Variants in ADAMTSL1 observed in about 807,000 individuals in gnomAD.
The protein encoded by ADAMTSL1 is ADAMTS-like protein 1.
In ADAMTSL1, 126 loss-of-function variants were observed where a neutral mutation model predicts 201.8. That is an observed-to-expected ratio of 0.62 (90% CI 0.54 to 0.72). The LOEUF (loss-of-function observed/expected upper bound fraction) is 0.72. Ranked by LOEUF, ADAMTSL1 falls within the 30% of genes least tolerant of loss-of-function variation. The probability of loss-of-function intolerance (pLI) is 0.00; values close to 1 mark genes in which losing one functional copy is unlikely to be tolerated. For missense variants in ADAMTSL1, 2,679 were observed against 2,277.8 expected, an observed-to-expected ratio of 1.18 and a Z score of -3.59; for synonymous variants, 1,121 against 903.4, an observed-to-expected ratio of 1.24 and a Z score of -4.32.
chr9:18,108,196 A>ATTTTTTTT, intron 1 of ADAMTSL1, among the ~76,000 whole-genome samples: 1 of 125,570 alleles, frequency 8.0e-6, no homozygotes. Flanking sequence ...AGAGTGTGGA[A>ATTTTTTTT]TTTTTTTTTT....
intron 1 of ADAMTSL1, among the ~76,000 whole-genome samples, chr9:18,002,366 T>A: frequency 6.6e-6 from 1 of 152,022 alleles, no homozygotes; most frequent in East Asian, 1.9e-4. Flanking sequence ...GACCTTATAC[T>A]CTGAGCCTCA....
intron 1 of ADAMTSL1, among the ~76,000 whole-genome samples, chr9:17,987,976 T>C (rs1405175006): frequency 6.6e-6 from 1 of 152,100 alleles, no homozygotes; most frequent in Non-Finnish European, 1.5e-5. Flanking sequence ...ACATGGGCTA[T>C]GACAAACGTG....
intron 1 of ADAMTSL1, among the ~76,000 whole-genome samples, chr9:18,097,891 A>C (rs779476116): frequency 6.6e-6 from 1 of 151,568 alleles, no homozygotes; most frequent in Middle Eastern, 3.2e-3. Flanking sequence ...GTATACTGAG[A>C]AATCTTTGCA....
intron 1 of ADAMTSL1, among the ~76,000 whole-genome samples, chr9:18,124,666 A>T (rs1587106709): frequency 6.6e-6 from 1 of 152,296 alleles, no homozygotes; most frequent in East Asian, 1.9e-4. Flanking sequence ...AGGTGTTTTT[A>T]AAAAGTCATT....
intron 2 of ADAMTSL1, among the ~76,000 whole-genome samples, chr9:18,341,871 A>G (rs914218792): frequency 1.3e-5 from 2 of 152,132 alleles, no homozygotes; most frequent in Admixed American, 1.3e-4. Flanking sequence ...TGTGCATTAA[A>G]CCAAAGTATT....
intron 2 of ADAMTSL1, among the ~76,000 whole-genome samples, chr9:18,361,490 G>A (rs977814597): frequency 2.0e-5 from 3 of 152,128 alleles, no homozygotes; most frequent in Admixed American, 6.5e-5. Context: ...GCTTTGGGGG[G>A]AAATCGTAGG....
intron 2 of ADAMTSL1, among the ~76,000 whole-genome samples, chr9:18,228,002 G>T (rs1294288270): frequency 6.6e-6 from 1 of 152,158 alleles, no homozygotes; most frequent in African/African-American, 2.4e-5. Flanking sequence ...TACTAGGCAA[G>T]CAGTTAGCTC....
intron 12 of ADAMTSL1, among the ~76,000 whole-genome samples, chr9:18,683,504 AG>A (rs1320008802): frequency 9.9e-5 from 15 of 152,196 alleles, no homozygotes; most frequent in African/African-American, 3.6e-4. Flanking sequence ...CTAGGATTAC[AG>A]GCGTGAGCCT....
chr9:18,741,625 T>A (rs537697125), intron 15 of ADAMTSL1, among the ~76,000 whole-genome samples: 72 of 152,364 alleles, frequency 4.7e-4, no homozygotes, highest in African/African-American at 1.7e-3. Flanking sequence ...AATAGAAATG[T>A]ATTCCAAGAC....
chr9:18,899,209 A>G (rs565650852), intron 26 of ADAMTSL1, among the ~76,000 whole-genome samples: 2 of 152,340 alleles, frequency 1.3e-5, no homozygotes, highest in South Asian at 4.1e-4. Context: ...TGCTACAAAA[A>G]GAATAAAATA....
intron 4 of ADAMTSL1, among the ~76,000 whole-genome samples, chr9:18,606,164 C>G (rs1413398954): frequency 6.6e-6 from 1 of 152,076 alleles, no homozygotes; most frequent in East Asian, 1.9e-4. Context: ...TCAGTCATGC[C>G]AACTGCTACT....
At chr9:18,356,084 G>C (rs1428648579) in intron 2 of ADAMTSL1, among the ~76,000 whole-genome samples, 1 of 152,222 alleles carries the variant, frequency 6.6e-6, no homozygotes. Flanking sequence ...CAATCTAAGA[G>C]TGAGCAAGGC....
At chr9:18,361,339 A>T (rs1201515489) in intron 2 of ADAMTSL1, among the ~76,000 whole-genome samples, 1 of 152,182 alleles carries the variant, frequency 6.6e-6, no homozygotes, top group African/African-American at 2.4e-5. Flanking sequence ...TAAAATGTTG[A>T]TGTATTTCTT....
At chr9:18,753,158 T>C in intron 15 of ADAMTSL1, 140 bp from the exon 16 acceptor site, 1 of 773,010 alleles carries the variant, frequency 1.3e-6, no homozygotes, top group Non-Finnish European at 2.3e-6. Flanking sequence ...ATTCTAGGCT[T>C]AAGATAGAGC....
intron 2 of ADAMTSL1, among the ~76,000 whole-genome samples, chr9:18,434,178 C>T (rs1193448222): frequency 6.6e-6 from 1 of 152,122 alleles, no homozygotes; most frequent in Non-Finnish European, 1.5e-5. Flanking sequence ...TCTTAAGAGA[C>T]TCTAGAAGTT....
intron 20 of ADAMTSL1, among the ~76,000 whole-genome samples, chr9:18,805,416 G>T (rs62549123): frequency 3.9e-5 from 6 of 152,088 alleles, no homozygotes; most frequent in African/African-American, 1.2e-4. Context: ...TCATCAGAAG[G>T]TCCCAGCACT....
chr9:18,700,411 A>G (rs1477732118), intron 13 of ADAMTSL1, among the ~76,000 whole-genome samples: 1 of 152,204 alleles, frequency 6.6e-6, no homozygotes, highest in African/African-American at 2.4e-5. Context: ...GAGTAGAAAT[A>G]CAAAGAAGGT....
intron 2 of ADAMTSL1, among the ~76,000 whole-genome samples, chr9:18,525,105 G>A (rs1482746993): frequency 1.3e-5 from 2 of 152,114 alleles, no homozygotes; most frequent in Non-Finnish European, 2.9e-5. Context: ...ATTAATTATT[G>A]CCTCAATTTC....
chr9:18,095,380 G>GT (rs1192045537), intron 1 of ADAMTSL1, among the ~76,000 whole-genome samples: 12 of 143,116 alleles, frequency 8.4e-5, no homozygotes, highest in Middle Eastern at 3.8e-3. Context: ...AATTTGACAC[G>GT]TTTTTAGTAA....
Sources: gnomAD v4.1 joint callset for allele counts (sites outside exome capture counted in the v4.1 genomes callset) on GRCh38, gnomAD v4.1.1 for gene constraint, MANE v1.5 for transcripts, NCBI Gene and HGNC (gene_info 2026-07-23, HGNC 2026-07-21) for gene names.